The following C1QTNF3 variants were observed in gnomAD, a reference collection of about 807,000 sequenced individuals.
C1QTNF3 encodes the protein complement C1q tumor necrosis factor-related protein 3.
C1QTNF3 carries 26 observed loss-of-function variants against 32.6 expected under a neutral mutation model. That is an observed-to-expected ratio of 0.80 (90% CI 0.58 to 1.11). The LOEUF is 1.11. Ranked by LOEUF, C1QTNF3 falls within the 50% of genes least tolerant of loss-of-function variation. The pLI is 0.00. For synonymous variants in C1QTNF3, 155 were observed against 146.0 expected, an observed-to-expected ratio of 1.06 and a Z score of -0.44; for missense variants, 362 against 398.2, an observed-to-expected ratio of 0.91 and a Z score of 0.77.
chr5:34,132,435 G>GTGTA, the C1QTNF3 span, among the ~76,000 whole-genome samples: 6 of 137,726 alleles, frequency 4.4e-5, no homozygotes, highest in South Asian at 2.3e-4. Flanking sequence ...GTATGTGTAT[G>GTGTA]TATATATATA....
rs1754284366 is a variant in C1QTNF3 at position 34,019,973 on chromosome 5, A to G, written c.*610T>C. The stretch of plus-strand genomic sequence containing the variant: ...GTGGGGGAACATACACAAAATTACA[A>G]CCACATTACTGGTCAAGCACTTTAT... On this transcript the variant is annotated 3_prime_UTR_variant, in exon 6 of 6. Transcript: ENST00000382065. 1 of 152,348 alleles carries G rather than the reference A, an allele frequency of 6.6e-6. No homozygotes were observed. The highest frequency in any genetic ancestry group is 1.5e-5 in the Non-Finnish European group (1 of 68,142). The allele number at this position is 152,348 out of a possible 1,614,324, so 9.4% of individuals were successfully genotyped here. A position where few individuals can be genotyped will look rare whatever the true frequency, so the allele number is the denominator to read the frequency against.
At chr5:34,074,378 T>C in the C1QTNF3 span, among the ~76,000 whole-genome samples, 2 of 151,674 alleles carry the variant, frequency 1.3e-5, no homozygotes, top group Admixed American at 1.3e-4. Flanking sequence ...TATTCATGTC[T>C]AAACACAGAC....
chr5:34,203,971 T>C, the C1QTNF3 span, among the ~76,000 whole-genome samples: 7 of 151,416 alleles, frequency 4.6e-5, no homozygotes, highest in African/African-American at 1.7e-4. Flanking sequence ...CAAGAGGATA[T>C]AACAATTCTA....
At chr5:34,069,288 T>G in the C1QTNF3 span, among the ~76,000 whole-genome samples, 1 of 149,958 alleles carries the variant, frequency 6.7e-6, no homozygotes, top group African/African-American at 2.5e-5. Flanking sequence ...AGATATTGAA[T>G]TCTTACTTTT....
At chr5:34,226,480 TCAAA>T in the C1QTNF3 span, among the ~76,000 whole-genome samples, 1 of 151,860 alleles carries the variant, frequency 6.6e-6, no homozygotes, top group East Asian at 1.9e-4. Flanking sequence ...AATTCCTTCA[TCAAA>T]CAGACACAGT....
the C1QTNF3 span, among the ~76,000 whole-genome samples, chr5:34,176,483 A>G: frequency 3.3e-5 from 5 of 152,308 alleles, no homozygotes; most frequent in East Asian, 5.8e-4. Context: ...AAAAACATCA[A>G]TTAGTAACTG....
the C1QTNF3 span, among the ~76,000 whole-genome samples, chr5:34,205,641 A>G: frequency 7.9e-5 from 12 of 152,082 alleles, no homozygotes; most frequent in Admixed American, 5.9e-4. Context: ...TGGAACTGTG[A>G]GGCAATTAAA....
chr5:34,123,557 T>C, the C1QTNF3 span, among the ~76,000 whole-genome samples: 11 of 151,972 alleles, frequency 7.2e-5, no homozygotes, highest in Admixed American at 6.6e-4. Context: ...CCCTGATCTA[T>C]ATTCTCTTCA....
the C1QTNF3 span, among the ~76,000 whole-genome samples, chr5:34,060,987 A>C: frequency 6.6e-6 from 1 of 152,236 alleles, no homozygotes; most frequent in East Asian, 1.9e-4. Context: ...AGACAAGGCA[A>C]GTCCCTTCTG....
At chr5:34,197,480 T>G in the C1QTNF3 span, among the ~76,000 whole-genome samples, 1 of 152,336 alleles carries the variant, frequency 6.6e-6, no homozygotes, top group Admixed American at 6.5e-5. Context: ...TAAATATTAT[T>G]GGCATTAGAT....
chr5:34,112,669 AAAAC>A, the C1QTNF3 span, among the ~76,000 whole-genome samples: 51 of 152,316 alleles, frequency 3.3e-4, no homozygotes, highest in Non-Finnish European at 6.3e-4. Flanking sequence ...ACCCTGTCTC[AAAAC>A]AAACAGACAA....
At chr5:34,207,442 G>A in the C1QTNF3 span, among the ~76,000 whole-genome samples, 1 of 152,088 alleles carries the variant, frequency 6.6e-6, no homozygotes, top group Non-Finnish European at 1.5e-5. Flanking sequence ...GAAAATGTTT[G>A]TTGCAAGCTA....
At chr5:34,153,852 A>T in the C1QTNF3 span, among the ~76,000 whole-genome samples, 4 of 80,262 alleles carry the variant, frequency 5.0e-5, no homozygotes, top group Admixed American at 4.7e-4. Flanking sequence ...AACTTAGAGT[A>T]TAAAAAAAAA....
At chr5:34,174,708 C>T in the C1QTNF3 span, among the ~76,000 whole-genome samples, 2 of 152,164 alleles carry the variant, frequency 1.3e-5, no homozygotes, top group South Asian at 4.1e-4. Flanking sequence ...AGCCTCTCAT[C>T]CACCCTACGT....
rs1366914908 is a variant in C1QTNF3, at chr5:34,043,143, CAG to C, written c.-20_-19del. ...CAAAGCATGATTCTCAACAGAGCCT[CAG>C]AGTCTCCCTGAGAAGACAGCAGAGC... On this transcript the variant is annotated 5_prime_UTR_variant, in exon 1 of 6. Transcript: ENST00000382065. 5 of 1,601,668 alleles carry C rather than the reference CAG, an allele frequency of 3.1e-6. No individual in the cohort carries two copies. The highest frequency in any genetic ancestry group is 4.3e-6 in the Non-Finnish European group (5 of 1,175,016).
the C1QTNF3 span, among the ~76,000 whole-genome samples, chr5:34,147,559 C>T: frequency 3.3e-5 from 5 of 151,952 alleles, no homozygotes; most frequent in East Asian, 9.7e-4. Context: ...CAAATTAGTG[C>T]AGGAACACAA....
At chr5:34,100,557 T>C in the C1QTNF3 span, among the ~76,000 whole-genome samples, 2 of 151,440 alleles carry the variant, frequency 1.3e-5, no homozygotes, top group Non-Finnish European at 2.9e-5. Flanking sequence ...TTTATTAATA[T>C]CATTATTATT....
intron 2 of C1QTNF3, 24 bp from the exon 3 acceptor site, chr5:34,033,482 A>C: frequency 6.2e-7 from 1 of 1,614,096 alleles, no homozygotes; most frequent in Non-Finnish European, 8.5e-7. Flanking sequence ...ACATCATCAC[A>C]TGAGAAAACC....
At chr5:34,062,273 T>C in the C1QTNF3 span, among the ~76,000 whole-genome samples, 1 of 152,216 alleles carries the variant, frequency 6.6e-6, no homozygotes, top group Non-Finnish European at 1.5e-5. Flanking sequence ...ACAGTTATTA[T>C]GCAAAATTGT....
Sources: gnomAD v4.1 joint callset for allele counts (sites outside exome capture counted in the v4.1 genomes callset) on GRCh38, gnomAD v4.1.1 for gene constraint, MANE v1.5 for transcripts, NCBI Gene and HGNC (gene_info 2026-07-23, HGNC 2026-07-21) for gene names.